Variants in ZCCHC17 observed in about 807,000 individuals in gnomAD.
ZCCHC17 encodes the protein zinc finger CCHC-type containing 17, also known as zinc finger CCHC domain-containing protein 17.
Under a neutral mutation model 30.6 loss-of-function variants are expected in ZCCHC17, and 18 were observed. That is an observed-to-expected ratio of 0.59 (90% CI 0.41 to 0.87). The LOEUF (loss-of-function observed/expected upper bound fraction) is 0.87, where lower values mean the gene tolerates loss of function less well. Ranked by LOEUF, ZCCHC17 falls within the 40% of genes least tolerant of loss-of-function variation. The pLI is 0.00. For missense variants in ZCCHC17, 263 were observed against 284.2 expected (o/e 0.93, Z 0.54); for synonymous variants, 88 against 92.4 (o/e 0.95, Z 0.27).
rs555838399 is a variant in ZCCHC17, at chr1:31,319,273, C to G, written c.124+107C>G. 6 of 941,502 alleles carry G rather than the reference C, an allele frequency of 6.4e-6. No homozygotes were observed. The Admixed American group carries it at 1.2e-4, about 18-fold the overall frequency. 58.3% of individuals were successfully genotyped at this position (941,502 alleles called of 1,614,324 possible). ...ATTTTTCAGACAGTAGTTTTTCATTCCTTTGTTTTCTTTTTAATGTATAGA... is the reference window on the plus strand; with the variant it reads ...ATTTTTCAGACAGTAGTTTTTCATTGCTTTGTTTTCTTTTTAATGTATAGA... On this transcript the variant is annotated intron_variant, in intron 3 of 7. Coordinates refer to ENST00000344147, the MANE Select transcript of ZCCHC17 (RefSeq NM_016505.4).
At chr1:31,318,112 A>G in intron 2 of ZCCHC17, 1 of 1,322,964 alleles carries the variant, frequency 7.6e-7, no homozygotes, top group Non-Finnish European at 1.0e-6. Context: ...TATTCAGTAT[A>G]TATTAGTAAA....
At chr1:31,304,617 A>G (rs1362625226) in intron 1 of ZCCHC17, among the ~76,000 whole-genome samples, 1 of 138,814 alleles carries the variant, frequency 7.2e-6, no homozygotes, top group South Asian at 2.3e-4. Context: ...TTTTTTTTAG[A>G]CGGACTCTCG....
intron 2 of ZCCHC17, among the ~76,000 whole-genome samples, chr1:31,317,860 C>G (rs1211584545): frequency 1.3e-5 from 2 of 152,128 alleles, no homozygotes; most frequent in African/African-American, 4.8e-5. Context: ...TATCAAATAC[C>G]ACATTGCTTT....
At chr1:31,317,171 C>G (rs965674625) in intron 2 of ZCCHC17, among the ~76,000 whole-genome samples, 1 of 151,784 alleles carries the variant, frequency 6.6e-6, no homozygotes, top group Non-Finnish European at 1.5e-5. Context: ...ATTACAGACG[C>G]CCACCACCAG....
chr1:31,360,023 C>T (rs1337012659), intron 7 of ZCCHC17, among the ~76,000 whole-genome samples: 1 of 151,986 alleles, frequency 6.6e-6, no homozygotes, highest in Non-Finnish European at 1.5e-5. Flanking sequence ...TCTTGTTGCC[C>T]AGGCTGGAGT....
intron 5 of ZCCHC17, among the ~76,000 whole-genome samples, chr1:31,339,351 G>T (rs1638944591): frequency 6.6e-6 from 1 of 151,952 alleles, no homozygotes; most frequent in African/African-American, 2.4e-5. Context: ...TACAAAACTA[G>T]AAATTTGCTG....
intron 1 of ZCCHC17, among the ~76,000 whole-genome samples, chr1:31,307,548 C>T (rs1180787731): frequency 6.6e-6 from 1 of 151,120 alleles, no homozygotes; most frequent in African/African-American, 2.4e-5. Flanking sequence ...GGATTACAGG[C>T]GCCTGCCATC....
intron 7 of ZCCHC17, among the ~76,000 whole-genome samples, chr1:31,350,319 G>A (rs1001356454): frequency 1.3e-5 from 2 of 152,052 alleles, no homozygotes; most frequent in African/African-American, 4.8e-5. Context: ...TGCCCTCAGT[G>A]GTTATTATCT....
chr1:31,354,886 T>A (rs575410874), intron 7 of ZCCHC17, among the ~76,000 whole-genome samples: 1 of 152,224 alleles, frequency 6.6e-6, no homozygotes, highest in South Asian at 2.1e-4. Context: ...TTCTTAAAAG[T>A]ATCTTTGGCC....
chr1:31,346,245 G>A (rs1401796484), intron 5 of ZCCHC17, among the ~76,000 whole-genome samples: 1 of 152,160 alleles, frequency 6.6e-6, no homozygotes, highest in Non-Finnish European at 1.5e-5. Flanking sequence ...CATATTGTGT[G>A]AGTAAAGATG....
chr1:31,301,009 C>CT (rs953348475), intron 1 of ZCCHC17, among the ~76,000 whole-genome samples: 8 of 151,508 alleles, frequency 5.3e-5, no homozygotes, highest in African/African-American at 1.9e-4. Flanking sequence ...AGATTTGTCT[C>CT]TTTCTTGCTG....
intron 2 of ZCCHC17, among the ~76,000 whole-genome samples, chr1:31,317,749 C>T (rs577643338): frequency 6.7e-4 from 102 of 152,228 alleles, no homozygotes; most frequent in Non-Finnish European, 1.1e-3. Flanking sequence ...ACTACAGGCA[C>T]GTTGCACAGC....
intron 1 of ZCCHC17, among the ~76,000 whole-genome samples, chr1:31,307,523 C>T (rs1326943474): frequency 4.0e-5 from 6 of 151,464 alleles, no homozygotes; most frequent in African/African-American, 1.5e-4. Context: ...GATTCTCCTG[C>T]CTCCAGAGTA....
intron 2 of ZCCHC17, among the ~76,000 whole-genome samples, chr1:31,315,544 T>C (rs920882605): frequency 6.6e-6 from 1 of 152,134 alleles, no homozygotes; most frequent in Non-Finnish European, 1.5e-5. Context: ...GAGATTCATG[T>C]TGGTAAGGTC....
At chr1:31,319,283 C>A in intron 3 of ZCCHC17, 117 bp downstream of exon 3, 1 of 862,862 alleles carries the variant, frequency 1.2e-6, no homozygotes, top group South Asian at 2.0e-5. Context: ...CCTTTGTTTT[C>A]TTTTTAATGT....
At chr1:31,297,222 T>C (rs1207326924) in intron 1 of ZCCHC17, 147 bp downstream of exon 1, 1 of 399,516 alleles carries the variant, frequency 2.5e-6, no homozygotes, top group Non-Finnish European at 4.4e-6. Context: ...TGGTAAGTAG[T>C]AGCCTGGGCT....
intron 4 of ZCCHC17, 26 bp from the exon 5 acceptor site, chr1:31,338,931 T>G (rs779316993): frequency 6.5e-7 from 1 of 1,531,444 alleles, no homozygotes; most frequent in Admixed American, 2.0e-5. Context: ...TTAAAGTTTT[T>G]GGTGACTTTT....
intron 2 of ZCCHC17, among the ~76,000 whole-genome samples, chr1:31,317,024 C>CTTTTTTTTT (rs1196920105): frequency 1.6e-5 from 2 of 126,544 alleles, no homozygotes; most frequent in African/African-American, 3.0e-5. Context: ...AACTTTTTTT[C>CTTTTTTTTT]TTTTTTTTTT....
chr1:31,349,791 G>A (rs1239106694), intron 7 of ZCCHC17, among the ~76,000 whole-genome samples: 2 of 152,040 alleles, frequency 1.3e-5, no homozygotes, highest in Non-Finnish European at 2.9e-5. Flanking sequence ...TGATTTAAGA[G>A]CAACATAATA....
Sources: gnomAD v4.1 joint callset for allele counts (sites outside exome capture counted in the v4.1 genomes callset) on GRCh38, gnomAD v4.1.1 for gene constraint, MANE v1.5 for transcripts, NCBI Gene and HGNC (gene_info 2026-07-23, HGNC 2026-07-21) for gene names.